The following BBS9 variants were observed in gnomAD, a reference collection of about 807,000 sequenced individuals.
The protein encoded by BBS9 is protein PTHB1.
BBS9 carries 89 observed loss-of-function variants against 117.7 expected under a neutral mutation model. The ratio of observed to expected loss-of-function variants is 0.76; its 90% CI spans 0.64 to 0.90. BBS9 has a LOEUF of 0.90. Ranked by LOEUF, BBS9 falls within the 40% of genes least tolerant of loss-of-function variation. The pLI, the probability that BBS9 is intolerant of heterozygous loss-of-function variation, is 0.00. For missense variants in BBS9, 982 were observed against 1,042.2 expected, an observed-to-expected ratio of 0.94 and a Z score of 0.80; for synonymous variants, 379 against 370.9, an observed-to-expected ratio of 1.02 and a Z score of -0.25.
chr7:33,183,924 A>G (rs1798435130), intron 5 of BBS9, among the ~76,000 whole-genome samples: 1 of 152,178 alleles, frequency 6.6e-6, no homozygotes, highest in Non-Finnish European at 1.5e-5. Flanking sequence ...TCCTAAGCCC[A>G]TGTTCAATCT....
intron 16 of BBS9, among the ~76,000 whole-genome samples, chr7:33,365,401 A>G (rs1184244090): frequency 1.3e-5 from 2 of 152,196 alleles, no homozygotes; most frequent in Non-Finnish European, 2.9e-5. Context: ...GGGCATAGCA[A>G]TGTAAACTGT....
At chr7:33,180,068 C>G (rs939291521) in intron 5 of BBS9, among the ~76,000 whole-genome samples, 1 of 152,184 alleles carries the variant, frequency 6.6e-6, no homozygotes, top group Non-Finnish European at 1.5e-5. Flanking sequence ...TCAGTCAGCC[C>G]TGGTCACCCG....
chr7:33,613,679 GA>G (rs1189373341), intron 21 of BBS9, among the ~76,000 whole-genome samples: 4 of 151,528 alleles, frequency 2.6e-5, no homozygotes, highest in Middle Eastern at 3.2e-3. Flanking sequence ...CAACATACAC[GA>G]AAAAAAATTA....
intron 19 of BBS9, among the ~76,000 whole-genome samples, chr7:33,463,330 A>G (rs1839745277): frequency 6.6e-6 from 1 of 152,128 alleles, no homozygotes; most frequent in Admixed American, 6.6e-5. Flanking sequence ...GAAATAGCAA[A>G]GGGAGTTTCT....
chr7:33,405,688 G>A (rs943791030), intron 19 of BBS9, among the ~76,000 whole-genome samples: 2 of 151,642 alleles, frequency 1.3e-5, no homozygotes, highest in Admixed American at 6.6e-5. Flanking sequence ...ATCGGTGGTG[G>A]TATCCCTTTT....
chr7:33,344,746 G>A (rs1363132225), intron 12 of BBS9, 112 bp downstream of exon 12: 17 of 1,146,686 alleles, frequency 1.5e-5, no homozygotes, highest in Non-Finnish European at 2.1e-5. Context: ...TAAACACTTG[G>A]CATTTGTAGA....
intron 15 of BBS9, chr7:33,357,639 T>G: frequency 1.6e-6 from 1 of 629,812 alleles, no homozygotes; most frequent in Non-Finnish European, 2.8e-6. Flanking sequence ...ATGTCTATGC[T>G]TCTTTTAAAA....
intron 21 of BBS9, among the ~76,000 whole-genome samples, chr7:33,546,254 T>A (rs576974510): frequency 3.9e-4 from 59 of 152,228 alleles, no homozygotes; most frequent in Admixed American, 5.2e-4. Context: ...TTTTAAACTT[T>A]CATTAGGTTA....
chr7:33,272,545 T>C (rs1293619134), intron 7 of BBS9, among the ~76,000 whole-genome samples: 1 of 152,158 alleles, frequency 6.6e-6, no homozygotes, highest in African/African-American at 2.4e-5. Flanking sequence ...CCCAGCAATA[T>C]GGAGATATCC....
chr7:33,588,683 G>C (rs899979498), intron 21 of BBS9, among the ~76,000 whole-genome samples: 1 of 152,140 alleles, frequency 6.6e-6, no homozygotes, highest in African/African-American at 2.4e-5. Flanking sequence ...AGGGGTGGGG[G>C]CCACATGGTC....
At chr7:33,595,621 G>A (rs988232868) in intron 21 of BBS9, among the ~76,000 whole-genome samples, 8 of 152,164 alleles carry the variant, frequency 5.3e-5, no homozygotes, top group African/African-American at 1.9e-4. Flanking sequence ...GTGGAAGACA[G>A]TGTGGCGATT....
chr7:33,534,760 T>C (rs949936462), intron 21 of BBS9, among the ~76,000 whole-genome samples: 7 of 152,062 alleles, frequency 4.6e-5, no homozygotes, highest in Non-Finnish European at 7.4e-5. Context: ...GTCCTTCCCA[T>C]GGTCATAGGG....
At chr7:33,268,944 G>GTCC (rs919288318) in intron 7 of BBS9, among the ~76,000 whole-genome samples, 27 of 152,288 alleles carry the variant, frequency 1.8e-4, no homozygotes, top group African/African-American at 5.8e-4. Flanking sequence ...TGATATTCAT[G>GTCC]TCCTGTCCAG....
intron 19 of BBS9, among the ~76,000 whole-genome samples, chr7:33,492,646 C>A (rs1563252315): frequency 6.6e-6 from 1 of 152,126 alleles, no homozygotes; most frequent in Non-Finnish European, 1.5e-5. Context: ...CAAAGGCATT[C>A]AAACATTCAA....
intron 5 of BBS9, among the ~76,000 whole-genome samples, chr7:33,199,546 G>A (rs995147708): frequency 1.3e-5 from 2 of 151,588 alleles, no homozygotes; most frequent in African/African-American, 2.4e-5. Context: ...CAAGCTAGAA[G>A]TGTAGAAGTC....
At chr7:33,157,635 A>G (rs955199804) in intron 4 of BBS9, 1 of 152,164 alleles carries the variant, frequency 6.6e-6, no homozygotes, top group Admixed American at 6.6e-5. Flanking sequence ...GGGAAGCACA[A>G]ACATTTTCTA....
At chr7:33,407,262 C>T (rs1159054232) in intron 19 of BBS9, among the ~76,000 whole-genome samples, 2 of 152,218 alleles carry the variant, frequency 1.3e-5, no homozygotes, top group Non-Finnish European at 2.9e-5. Context: ...ACTTAGTTCT[C>T]AAGCCTTGGC....
At chr7:33,409,260 C>A (rs4723285) in intron 19 of BBS9, among the ~76,000 whole-genome samples, 188 of 152,020 alleles carry the variant, frequency 1.2e-3, no homozygotes, top group African/African-American at 4.3e-3. Context: ...TATTTCCTAT[C>A]TTTTCTTCTA....
At chr7:33,629,770 A>G (rs760340899) in intron 21 of BBS9, among the ~76,000 whole-genome samples, 9 of 152,204 alleles carry the variant, frequency 5.9e-5, no homozygotes, top group Non-Finnish European at 8.8e-5. Context: ...TTAAAATTGC[A>G]TTTCTGTGAA....
Sources: gnomAD v4.1 joint callset for allele counts (sites outside exome capture counted in the v4.1 genomes callset) on GRCh38, gnomAD v4.1.1 for gene constraint, MANE v1.5 for transcripts, NCBI Gene and HGNC (gene_info 2026-07-23, HGNC 2026-07-21) for gene names.